PCLO: variants seen among roughly 807,000 people sequenced by gnomAD.
The protein encoded by PCLO is piccolo presynaptic cytomatrix protein, also known as protein piccolo.
Under a neutral mutation model 427.5 loss-of-function variants are expected in PCLO, and 82 were observed. That is an observed-to-expected ratio of 0.19 (90% CI 0.16 to 0.23). The LOEUF is 0.23. PCLO is among the 10% of genes least tolerant of loss of function. The pLI is 1.00. For synonymous variants in PCLO, 2,357 were observed against 2,155.4 expected, an observed-to-expected ratio of 1.09 and a Z score of -2.59; for missense variants, 6,239 against 6,115.9, an observed-to-expected ratio of 1.02 and a Z score of -0.67.
intron 21 of PCLO, among the ~76,000 whole-genome samples, chr7:82,804,887 C>G (rs1313311810): frequency 6.6e-6 from 1 of 152,042 alleles, no homozygotes; most frequent in Non-Finnish European, 1.5e-5. Context: ...TGGCGTAAAC[C>G]CTGGGACCTG....
At chr7:82,877,430 C>T (rs910726333) in intron 10 of PCLO, among the ~76,000 whole-genome samples, 2 of 151,976 alleles carry the variant, frequency 1.3e-5, no homozygotes, top group East Asian at 1.9e-4. Flanking sequence ...GAAAGTGATC[C>T]TATCACTCTC....
Position 83,046,927 on chromosome 7 carries a change from G to A in PCLO, c.3301-80440C>T, listed in dbSNP as rs189538491. On this transcript the variant is annotated intron_variant, in intron 3 of 24. Coordinates refer to ENST00000333891, the MANE Select transcript of PCLO (RefSeq NM_033026.6). ...TAAAAGTAAGAAGAAAAATCAATAT[G>A]AGACAACAAACTTATTGAAGTAGCA... Among the ~76,000 whole-genome samples, 9 of 152,084 alleles carry A rather than the reference G, an allele frequency of 5.9e-5. No individual in the cohort carries two copies. The East Asian group carries it at 1.5e-3, about 26-fold the overall frequency.
intron 3 of PCLO, among the ~76,000 whole-genome samples, chr7:83,049,864 C>A (rs541445491): frequency 6.6e-6 from 1 of 152,136 alleles, no homozygotes; most frequent in Admixed American, 6.6e-5. Flanking sequence ...CATGCTAGGT[C>A]TCCTTTTCAC....
At chr7:83,143,869 A>G (rs1318499023) in intron 2 of PCLO, among the ~76,000 whole-genome samples, 1 of 152,248 alleles carries the variant, frequency 6.6e-6, no homozygotes, top group African/African-American at 2.4e-5. Flanking sequence ...ACACCTAGAT[A>G]TACCACAAAA....
intron 22 of PCLO, among the ~76,000 whole-genome samples, chr7:82,789,713 A>G (rs909239161): frequency 6.6e-6 from 1 of 152,200 alleles, no homozygotes; most frequent in Non-Finnish European, 1.5e-5. Flanking sequence ...TCAAAAAAAG[A>G]GAGCAAAATG....
At chr7:82,834,565 G>A (rs900202069) in intron 16 of PCLO, among the ~76,000 whole-genome samples, 7 of 152,118 alleles carry the variant, frequency 4.6e-5, no homozygotes, top group Admixed American at 6.6e-5. Context: ...AGACAAAAAC[G>A]AATGCTGTAC....
chr7:82,918,936 G>T (rs1002041116), intron 6 of PCLO, among the ~76,000 whole-genome samples: 5 of 151,984 alleles, frequency 3.3e-5, no homozygotes, highest in African/African-American at 7.2e-5. Context: ...ATAGTCCAAA[G>T]AACTTAATAA....
chr7:83,024,684 C>T (rs1255509709), intron 3 of PCLO, among the ~76,000 whole-genome samples: 1 of 152,228 alleles, frequency 6.6e-6, no homozygotes, highest in African/African-American at 2.4e-5. Context: ...CAGCAGTAAC[C>T]TCTGCAGACT....
At chr7:82,999,357 C>G (rs1461770780) in intron 3 of PCLO, among the ~76,000 whole-genome samples, 1 of 128,052 alleles carries the variant, frequency 7.8e-6, no homozygotes, top group African/African-American at 3.0e-5. Context: ...AATATATATA[C>G]TTTTTCCATT....
chr7:82,888,122 CA>C (rs1793672336), intron 9 of PCLO, among the ~76,000 whole-genome samples: 1 of 151,436 alleles, frequency 6.6e-6, no homozygotes, highest in African/African-American at 2.4e-5. Context: ...ATTGCACTGT[CA>C]AAATAATAAA....
rs192045293 is a variant in PCLO, at chr7:82,755,152, T to C, written c.*3423A>G. On this transcript the variant is annotated 3_prime_UTR_variant, in exon 25 of 25. Coordinates refer to ENST00000333891, the MANE Select transcript of PCLO (RefSeq NM_033026.6). Reference sequence around the variant, plus strand: ...CAGTCATTCCTATAATAAGAATCAATATCAGCTGGTTACCAGCTATAATAT... The same window carrying C: ...CAGTCATTCCTATAATAAGAATCAACATCAGCTGGTTACCAGCTATAATAT... 1 of 152,258 alleles carries C rather than the reference T, an allele frequency of 6.6e-6. No homozygotes were observed. The highest frequency in any genetic ancestry group is 2.4e-5 in the African/African-American group (1 of 41,576). The allele number at this position is 152,258 out of a possible 1,614,324, so 9.4% of individuals were successfully genotyped here. A position where few individuals can be genotyped will look rare whatever the true frequency, so the allele number is the denominator to read the frequency against.
chr7:82,818,780 TAA>T (rs1791729266), intron 20 of PCLO, among the ~76,000 whole-genome samples: 1 of 152,154 alleles, frequency 6.6e-6, no homozygotes, highest in Non-Finnish European at 1.5e-5. Flanking sequence ...AATATTGAAA[TAA>T]CTACCTCATC....
In PCLO at chr7:82,928,537, C is replaced by T. The variant is rs147196516; in HGVS notation, c.11113-11664G>A. Among the ~76,000 whole-genome samples the T allele has an allele frequency of 4.5e-4, 69 of 152,178 alleles. 2 individuals are homozygous for T. In the South Asian group the frequency reaches 8.5e-3, roughly 19 times the overall value. ...CTGGGATTACAGGCACCTGCTACCA[C>T]GCTCGGCTAATTTTTTTTGTATTTT... On this transcript the variant is annotated intron_variant, in intron 6 of 24. Coordinates refer to ENST00000333891, the MANE Select transcript of PCLO (RefSeq NM_033026.6).
intron 3 of PCLO, among the ~76,000 whole-genome samples, chr7:83,110,105 ATTATACAAC>A (rs1337730344): frequency 6.6e-6 from 1 of 151,108 alleles, no homozygotes; most frequent in Non-Finnish European, 1.5e-5. Flanking sequence ...TACATACTAG[ATTATACAAC>A]TTACAATGTA....
intron 3 of PCLO, among the ~76,000 whole-genome samples, chr7:83,103,207 T>TA (rs1362343336): frequency 1.3e-5 from 2 of 151,958 alleles, no homozygotes; most frequent in African/African-American, 4.8e-5. Flanking sequence ...GAAGATGCAC[T>TA]AACTGTAATC....
intron 3 of PCLO, among the ~76,000 whole-genome samples, chr7:83,010,825 C>G (rs1788059484): frequency 6.6e-6 from 1 of 151,930 alleles, no homozygotes; most frequent in African/African-American, 2.4e-5. Context: ...ATCTCTAAAT[C>G]TTTTTTCCAA....
chr7:83,063,722 C>A (rs1167245663), intron 3 of PCLO, among the ~76,000 whole-genome samples: 1 of 152,060 alleles, frequency 6.6e-6, no homozygotes, highest in Non-Finnish European at 1.5e-5. Context: ...TAAATTACTT[C>A]TCCTATTGCC....
At chr7:82,796,081 C>T (rs1791217324) in intron 22 of PCLO, among the ~76,000 whole-genome samples, 1 of 152,096 alleles carries the variant, frequency 6.6e-6, no homozygotes, top group Admixed American at 6.6e-5. Flanking sequence ...TTGATGTGTG[C>T]TAAGACGAAG....
intron 3 of PCLO, among the ~76,000 whole-genome samples, chr7:82,977,837 AT>A (rs1397139843): frequency 6.6e-6 from 1 of 152,014 alleles, no homozygotes; most frequent in Non-Finnish European, 1.5e-5. Flanking sequence ...TTTCAAACTC[AT>A]TTCTTTATAT....
Sources: gnomAD v4.1 joint callset for allele counts (sites outside exome capture counted in the v4.1 genomes callset) on GRCh38, gnomAD v4.1.1 for gene constraint, MANE v1.5 for transcripts, NCBI Gene and HGNC (gene_info 2026-07-23, HGNC 2026-07-21) for gene names.